ACACB: variants seen among roughly 807,000 people sequenced by gnomAD.
ACACB encodes acetyl-CoA carboxylase 2.
Under a neutral mutation model 278.8 loss-of-function variants are expected in ACACB, and 209 were observed. The ratio of observed to expected loss-of-function variants is 0.75; its 90% CI spans 0.67 to 0.84. The LOEUF is 0.84. ACACB is among the 40% of genes least tolerant of loss of function. ACACB has a pLI of 0.00. For missense variants in ACACB, 2,850 were observed against 3,269.0 expected (o/e 0.87, Z 3.13); for synonymous variants, 1,174 against 1,285.6 (o/e 0.91, Z 1.86).
intron 1 of ACACB, among the ~76,000 whole-genome samples, chr12:109,134,233 C>T (rs1163453497): frequency 6.6e-6 from 1 of 152,206 alleles, no homozygotes; most frequent in Non-Finnish European, 1.5e-5. Context: ...GCCATGTTTT[C>T]TGTGTCATCA....
At chr12:109,250,948 CCT>C (rs1480944426) in intron 41 of ACACB, among the ~76,000 whole-genome samples, 1 of 152,162 alleles carries the variant, frequency 6.6e-6, no homozygotes, top group Non-Finnish European at 1.5e-5. Flanking sequence ...TTTCTTCTCC[CCT>C]GATTCTTCCC....
At chr12:109,225,861 A>G (rs2046299018) in intron 27 of ACACB, among the ~76,000 whole-genome samples, 1 of 152,360 alleles carries the variant, frequency 6.6e-6, no homozygotes, top group South Asian at 2.1e-4. Context: ...AACCATCTCA[A>G]TAATTTCTTA....
chr12:109,126,054 G>A (rs1260142693), intron 1 of ACACB, among the ~76,000 whole-genome samples: 1 of 152,210 alleles, frequency 6.6e-6, no homozygotes, highest in African/African-American at 2.4e-5. Context: ...ACACCTGGCA[G>A]GTGCTCAGGA....
chr12:109,150,367 G>A (rs982250471), intron 2 of ACACB, among the ~76,000 whole-genome samples: 1 of 152,190 alleles, frequency 6.6e-6, no homozygotes, highest in Non-Finnish European at 1.5e-5. Flanking sequence ...CCCAAGCCCT[G>A]GCCGGGCTTA....
chr12:109,249,814 C>G, intron 40 of ACACB, 170 bp from the exon 41 acceptor site: 1 of 714,610 alleles, frequency 1.4e-6, no homozygotes, highest in African/African-American at 1.8e-5. Flanking sequence ...TTTTAGAAAT[C>G]TTAGCACTCA....
chr12:109,258,982 C>T lies in ACACB; in HGVS notation c.6370C>T (p.Gln2124Ter). 1 of 1,614,092 alleles carries T rather than the reference C, an allele frequency of 6.2e-7. No homozygotes were observed. Among genetic ancestry groups the T allele is most frequent in the Non-Finnish European group, 8.5e-7 (1 of 1,179,958 alleles). Reference protein sequence around the residue: ...NLDSEAKIIQQAGQVWFPDSA... With the variant: ...NLDSEAKIIQ ...CAGCTCTGTGTTCCAGATAATTCAG[C>T]AGGCAGGACAGGTGTGGTTCCCAGA... is the stretch of plus-strand genomic sequence containing the variant. Residue 2124 changes from glutamine to a stop codon, truncating the protein, a stop_gained, in exon 47 of 53, where the codon CAG (glutamine) becomes TAG (stop). Transcript: ENST00000338432. LOFTEE classifies it high-confidence loss of function.
rs758149057 is a variant in ACACB, at chr12:109,179,218, T to C, written c.1568T>C (p.Ile523Thr). The C allele has an allele frequency of 6.2e-7, 1 of 1,614,088 alleles. No homozygotes were observed. Among genetic ancestry groups the C allele is most frequent in the Middle Eastern group, 1.6e-4 (1 of 6,062 alleles). Residue 523 changes from isoleucine (I) to threonine (T), a missense_variant, in exon 10 of 53, where the codon ATC (isoleucine) becomes ACC (threonine). This residue lies in a region of ACACB where 2,265 missense variants were observed against 2,561.3 expected (regional missense o/e 0.88). Coordinates refer to ENST00000338432, the MANE Select transcript of ACACB (RefSeq NM_001093.4). Reference sequence around the variant, plus strand: ...TCTCTGTTTGGTCGCGACTGCTCCATCCAGCGGCGGCATCAGAAGATCGTT... The same window carrying C: ...TCTCTGTTTGGTCGCGACTGCTCCACCCAGCGGCGGCATCAGAAGATCGTT... ...AVSLFGRDCS[I>T]QRRHQKIVEE...
intron 33 of ACACB, 152 bp downstream of exon 33, chr12:109,235,799 A>C: frequency 1.5e-6 from 1 of 659,886 alleles, no homozygotes; most frequent in Non-Finnish European, 2.6e-6. Context: ...GGAGTTCTAG[A>C]CCAGCCTGGG....
intron 19 of ACACB, among the ~76,000 whole-genome samples, chr12:109,204,635 C>T (rs2136354322): frequency 6.6e-6 from 1 of 152,122 alleles, no homozygotes. Flanking sequence ...ACCATCCCCA[C>T]TCCCACCAGC....
chr12:109,246,114 TAAAATA>T lies in ACACB; in HGVS notation c.5302-60_5302-55del, dbSNP rs918088332. The T allele has an allele frequency of 1.6e-5, 25 of 1,519,158 alleles. No homozygotes were observed. The African/African-American group carries it at 3.5e-4, about 21-fold the overall frequency. The allele number at this position is 1,519,158 out of a possible 1,614,324, so 94.1% of individuals were successfully genotyped here. On this transcript the variant is annotated intron_variant, in intron 38 of 52. Transcript: ENST00000338432. ...CTAAAAAAAATAATAATAACTAAAA[TAAAATA>T]AAAAGTTTTCCCCCAAAGAAACAAA... is the stretch of plus-strand genomic sequence containing the variant.
Position 109,227,470 on chromosome 12 carries a change from C to T in ACACB, c.3982C>T (p.Pro1328Ser). 3 of 1,614,034 alleles carry T rather than the reference C, an allele frequency of 1.9e-6. No individual in the cohort carries two copies. Among genetic ancestry groups the T allele is most frequent in the Non-Finnish European group, 2.5e-6 (3 of 1,180,002 alleles). ...TCVVEFQFMLPSSHPNRMTVP... is the reference protein window; with the variant it reads ...TCVVEFQFMLSSSHPNRMTVP... ...CGTGGTAGAATTCCAGTTCATGCTG[C>T]CGTCCTCCCACCCAAACCGGTATGG... The change falls in exon 28 of 53, where the codon CCG (proline) becomes TCG (serine). Residue 1328 changes from proline to serine, a missense_variant. Pro to Ser is a moderately conservative substitution (Grantham distance 74). This residue lies in a region of ACACB where 2,265 missense variants were observed against 2,561.3 expected (regional missense o/e 0.88). Transcript: ENST00000338432.
intron 21 of ACACB, among the ~76,000 whole-genome samples, chr12:109,210,319 C>T (rs1327532407): frequency 1.7e-5 from 1 of 58,908 alleles, no homozygotes; most frequent in Non-Finnish European, 3.6e-5. Context: ...ACACACATAT[C>T]TGTGTATATA....
intron 2 of ACACB, among the ~76,000 whole-genome samples, chr12:109,165,640 A>G (rs1182871309): frequency 6.6e-6 from 1 of 152,248 alleles, no homozygotes; most frequent in Non-Finnish European, 1.5e-5. Flanking sequence ...TGCAGCTCTC[A>G]TATGTGAATA....
intron 45 of ACACB, among the ~76,000 whole-genome samples, chr12:109,257,197 C>A (rs530619718): frequency 4.6e-5 from 7 of 152,082 alleles, no homozygotes; most frequent in South Asian, 2.1e-4. Flanking sequence ...TTGCTTGAAC[C>A]CAGAAGGTGG....
chr12:109,259,972 C>T, intron 47 of ACACB: 2 of 965,402 alleles, frequency 2.1e-6, no homozygotes, highest in Non-Finnish European at 1.5e-6. Flanking sequence ...CAGGACCAAC[C>T]TCAGAGGGCC....
intron 28 of ACACB, among the ~76,000 whole-genome samples, chr12:109,232,118 T>C (rs954661575): frequency 1.3e-5 from 2 of 152,214 alleles, no homozygotes; most frequent in African/African-American, 2.4e-5. Context: ...CTCCCGTATC[T>C]GATTCCAAGG....
At chr12:109,193,779 G>T in intron 16 of ACACB, 50 bp downstream of exon 16, 2 of 1,511,686 alleles carry the variant, frequency 1.3e-6, no homozygotes, top group South Asian at 2.3e-5. Context: ...GCAAGCTTCA[G>T]GGAGTTTCTT....
chr12:109,148,085 G>A (rs34874322), intron 2 of ACACB, among the ~76,000 whole-genome samples: 23,767 of 152,066 alleles, frequency 0.16, 2,108 homozygotes, highest in East Asian at 0.25. Context: ...CAACAACCTC[G>A]TTAAGCTCTC....
intron 2 of ACACB, among the ~76,000 whole-genome samples, chr12:109,155,783 AAAG>A (rs1426332499): frequency 2.0e-5 from 3 of 152,310 alleles, no homozygotes; most frequent in South Asian, 2.1e-4. Flanking sequence ...AAAAAAATCA[AAAG>A]AAGATTGTTT....
Sources: gnomAD v4.1 joint callset for allele counts (sites outside exome capture counted in the v4.1 genomes callset) on GRCh38, gnomAD v4.1.1 for gene constraint, gnomAD v4.1.1 regional missense constraint, MANE v1.5 for transcripts, NCBI Gene and HGNC (gene_info 2026-07-23, HGNC 2026-07-21) for gene names.